The following NDST4 variants were observed in gnomAD, a reference collection of about 807,000 sequenced individuals.
NDST4 encodes N-deacetylase and N-sulfotransferase 4.
In NDST4, 63 loss-of-function variants were observed where a neutral mutation model predicts 100.8. The observed-to-expected ratio is 0.62, with a 90% CI of 0.51 to 0.77. NDST4 has a LOEUF of 0.77. Among genes scored for constraint, NDST4 ranks in the 30% least tolerant of loss-of-function variants. The pLI is 0.00. For synonymous variants in NDST4, 377 were observed against 361.8 expected (o/e 1.04, Z -0.48); for missense variants, 943 against 1,018.4 (o/e 0.93, Z 1.01).
chr4:114,872,468 T>C (rs1259003826), intron 6 of NDST4, among the ~76,000 whole-genome samples: 1 of 151,988 alleles, frequency 6.6e-6, no homozygotes, highest in Non-Finnish European at 1.5e-5. Context: ...CCCTTTTTAT[T>C]GTGGAAAAGA....
At chr4:114,935,023 C>T (rs1002553969) in intron 6 of NDST4, 183 bp downstream of exon 6, 6 of 340,686 alleles carry the variant, frequency 1.8e-5, no homozygotes, top group Non-Finnish European at 2.9e-5. Context: ...ATGAAATCTA[C>T]TGAAAAATCA....
At chr4:114,986,890 A>C (rs866913097) in intron 2 of NDST4, among the ~76,000 whole-genome samples, 2,373 of 144,566 alleles carry the variant, frequency 0.016, 76 homozygotes, top group African/African-American at 0.058. Flanking sequence ...AACTTATAAA[A>C]TTTTTTTGTC....
intron 1 of NDST4, among the ~76,000 whole-genome samples, chr4:115,106,833 G>C (rs116078218): frequency 0.01 from 1,560 of 152,122 alleles, 14 homozygotes; most frequent in Admixed American, 0.018. Context: ...ATGAGATATG[G>C]AGCCAGCTCC....
intron 6 of NDST4, among the ~76,000 whole-genome samples, chr4:114,913,731 G>GAAA (rs56189208): frequency 2.4e-5 from 3 of 125,938 alleles, no homozygotes; most frequent in Non-Finnish European, 5.3e-5. Flanking sequence ...CTATCTCCAA[G>GAAA]AAAAAAAAAA....
chr4:115,058,604 C>T (rs1018736620), intron 2 of NDST4, among the ~76,000 whole-genome samples: 1 of 151,928 alleles, frequency 6.6e-6, no homozygotes, highest in Non-Finnish European at 1.5e-5. Context: ...CATTCTTTTT[C>T]TTTTTTAAAT....
intron 1 of NDST4, among the ~76,000 whole-genome samples, chr4:115,087,740 T>C (rs1001452333): frequency 6.6e-6 from 1 of 151,922 alleles, no homozygotes; most frequent in Non-Finnish European, 1.5e-5. Context: ...CCTGTTTAGA[T>C]GTAATATTAT....
chr4:115,016,681 T>C (rs1260323817), intron 2 of NDST4, among the ~76,000 whole-genome samples: 1 of 152,058 alleles, frequency 6.6e-6, no homozygotes, highest in Non-Finnish European at 1.5e-5. Context: ...AGGGATAATA[T>C]GTATGCAATA....
chr4:114,925,736 C>T (rs1725374062), intron 6 of NDST4, among the ~76,000 whole-genome samples: 1 of 152,108 alleles, frequency 6.6e-6, no homozygotes, highest in Non-Finnish European at 1.5e-5. Flanking sequence ...CTGCTCTGAA[C>T]TTTGGAAAGT....
intron 1 of NDST4, among the ~76,000 whole-genome samples, chr4:115,095,102 T>A (rs902464512): frequency 6.6e-6 from 1 of 152,106 alleles, no homozygotes; most frequent in African/African-American, 2.4e-5. Flanking sequence ...CTCATTCAAA[T>A]CTTACAGCAT....
At chr4:115,101,407 G>T (rs1297385025) in intron 1 of NDST4, among the ~76,000 whole-genome samples, 2 of 151,670 alleles carry the variant, frequency 1.3e-5, no homozygotes, top group African/African-American at 4.8e-5. Context: ...TTAAAGGATA[G>T]AAAAAAAACC....
At chr4:114,960,229 A>G (rs1274359844) in intron 4 of NDST4, among the ~76,000 whole-genome samples, 1 of 152,270 alleles carries the variant, frequency 6.6e-6, no homozygotes, top group Non-Finnish European at 1.5e-5. Flanking sequence ...GAGAGAATAC[A>G]TTGCCAAACC....
intron 6 of NDST4, among the ~76,000 whole-genome samples, chr4:114,916,095 A>T (rs927280625): frequency 6.6e-6 from 1 of 152,114 alleles, no homozygotes; most frequent in African/African-American, 2.4e-5. Context: ...ATCGATATTT[A>T]TCCTTATGTT....
At chr4:115,109,162 G>C (rs1345984908) in intron 1 of NDST4, among the ~76,000 whole-genome samples, 1 of 151,504 alleles carries the variant, frequency 6.6e-6, no homozygotes, top group Non-Finnish European at 1.5e-5. Flanking sequence ...AGAAAAATGA[G>C]TAAAAGAAAG....
At position 114,986,673 on chromosome 4, in the gene NDST4, G is replaced by A. The variant is rs190493803; in HGVS notation, c.979-9399C>T. On this transcript the variant is annotated intron_variant, in intron 2 of 13. Transcript: ENST00000264363. ...GCTCTACTGAATTGATTGAAATTTT[G>A]AATCAAGTTAGTATATTTGAATAAA... Among the ~76,000 whole-genome samples the A allele has an allele frequency of 1.9e-4, 28 of 151,038 alleles. No individual in the cohort carries two copies. The East Asian group carries it at 5.3e-3, about 28-fold the overall frequency.
intron 4 of NDST4, among the ~76,000 whole-genome samples, chr4:114,950,023 T>C (rs1725955017): frequency 6.6e-6 from 1 of 152,042 alleles, no homozygotes; most frequent in South Asian, 2.1e-4. Context: ...TAAATTATGA[T>C]ATATTAATTA....
chr4:115,055,382 T>G (rs113528613), intron 2 of NDST4, among the ~76,000 whole-genome samples: 1 of 152,154 alleles, frequency 6.6e-6, no homozygotes, highest in East Asian at 1.9e-4. Flanking sequence ...TCCATGAAAC[T>G]GGTCCCTGGT....
rs79832408 is a variant in NDST4, at chr4:114,850,979, C to G, written c.1816+1746G>C. On this transcript the variant is annotated intron_variant, in intron 8 of 13. Transcript: ENST00000264363. ...CTTCTCCCCTTCCTCATTCCCTGAC[C>G]GACTTTCAGCCCACAGGAATCTCTT... 6.3e-3 allele frequency among the ~76,000 whole-genome samples: 953 copies of G among 152,202 alleles called. 8 individuals are homozygous for G. Among genetic ancestry groups the G allele is most frequent in the African/African-American group, 0.022 (917 of 41,522 alleles).
chr4:114,927,216 T>TTGTGTGTG (rs10555403), intron 6 of NDST4, among the ~76,000 whole-genome samples: 10 of 147,994 alleles, frequency 6.8e-5, no homozygotes, highest in African/African-American at 2.4e-4. Flanking sequence ...TTAACTTGAT[T>TTGTGTGTG]TGTGTGTGTG....
intron 2 of NDST4, among the ~76,000 whole-genome samples, chr4:115,068,501 C>A (rs554530457): frequency 6.6e-6 from 1 of 152,164 alleles, no homozygotes; most frequent in East Asian, 1.9e-4. Flanking sequence ...TCAAATTATT[C>A]TTTCTTTACA....
Sources: gnomAD v4.1 joint callset for allele counts (sites outside exome capture counted in the v4.1 genomes callset) on GRCh38, gnomAD v4.1.1 for gene constraint, MANE v1.5 for transcripts, NCBI Gene and HGNC (gene_info 2026-07-23, HGNC 2026-07-21) for gene names.